The following THSD7B variants were observed in gnomAD, a reference collection of about 807,000 sequenced individuals.
The protein encoded by THSD7B is thrombospondin type 1 domain containing 7B, also known as thrombospondin type-1 domain-containing protein 7B.
THSD7B carries 138 observed loss-of-function variants against 213.6 expected under a neutral mutation model. That is an observed-to-expected ratio of 0.65 (90% CI 0.56 to 0.74). The LOEUF (loss-of-function observed/expected upper bound fraction) is 0.74, where lower values mean the gene tolerates loss of function less well. Among genes scored for constraint, THSD7B ranks in the 30% least tolerant of loss-of-function variants. The pLI is 0.00. For missense variants in THSD7B, 1,931 were observed against 1,991.5 expected (o/e 0.97, Z 0.58); for synonymous variants, 742 against 687.0 (o/e 1.08, Z -1.25).
At chr2:136,899,803 A>C (rs1442966208) in intron 2 of THSD7B, among the ~76,000 whole-genome samples, 5 of 152,218 alleles carry the variant, frequency 3.3e-5, no homozygotes, top group African/African-American at 1.2e-4. Flanking sequence ...AAAATCAATA[A>C]TTGCATAATT....
At chr2:137,593,267 T>G (rs1252507278) in intron 17 of THSD7B, among the ~76,000 whole-genome samples, 1 of 151,976 alleles carries the variant, frequency 6.6e-6, no homozygotes, top group East Asian at 1.9e-4. Flanking sequence ...CTGCACCCAT[T>G]TCTCTTAAGC....
intron 7 of THSD7B, among the ~76,000 whole-genome samples, chr2:137,195,251 T>TATATAC (rs34357255): frequency 0.049 from 7,359 of 149,904 alleles, 187 homozygotes; most frequent in Admixed American, 0.063. Flanking sequence ...TATATATATA[T>TATATAC]ACACACACAC....
chr2:137,311,900 T>C (rs7369091), intron 12 of THSD7B, among the ~76,000 whole-genome samples: 90,706 of 128,758 alleles, frequency 0.7, 32,191 homozygotes, highest in East Asian at 0.79. Context: ...CTGCTGGATT[T>C]GGTTTGCCAG....
chr2:136,833,288 C>T (rs1476771237), intron 1 of THSD7B, among the ~76,000 whole-genome samples: 5 of 56,752 alleles, frequency 8.8e-5, no homozygotes, highest in Admixed American at 4.8e-4. Flanking sequence ...TGGTGTTAAC[C>T]TGGGAGGTGG....
intron 1 of THSD7B, among the ~76,000 whole-genome samples, chr2:136,784,072 T>C (rs1681794328): frequency 6.6e-6 from 1 of 152,232 alleles, no homozygotes; most frequent in Non-Finnish European, 1.5e-5. Context: ...TGTTTCCCAA[T>C]GAGTCACCAT....
At chr2:136,940,862 TG>T (rs1156513720) in intron 2 of THSD7B, among the ~76,000 whole-genome samples, 15 of 147,394 alleles carry the variant, frequency 1.0e-4, no homozygotes, top group South Asian at 4.3e-4. Context: ...CATTCTTAGT[TG>T]TTTTTTTTTT....
chr2:137,328,531 A>G (rs1185362124), intron 12 of THSD7B, among the ~76,000 whole-genome samples: 1 of 152,238 alleles, frequency 6.6e-6, no homozygotes, highest in Non-Finnish European at 1.5e-5. Context: ...AGAATGTATA[A>G]TAGTAGCAGT....
At chr2:137,593,288 G>A (rs1220968874) in intron 17 of THSD7B, among the ~76,000 whole-genome samples, 1 of 151,954 alleles carries the variant, frequency 6.6e-6, no homozygotes, top group South Asian at 2.1e-4. Flanking sequence ...ACATATTTAG[G>A]AGTAGAATAG....
chr2:137,132,335 A>G (rs1429090428), intron 5 of THSD7B, among the ~76,000 whole-genome samples: 5 of 149,654 alleles, frequency 3.3e-5, no homozygotes, highest in African/African-American at 1.2e-4. Flanking sequence ...AACAGGGACA[A>G]TTTGACTTCC....
chr2:136,912,030 G>A (rs963163909), intron 2 of THSD7B, among the ~76,000 whole-genome samples: 2 of 151,968 alleles, frequency 1.3e-5, no homozygotes, highest in Admixed American at 1.3e-4. Context: ...GAGGAAGAAA[G>A]GAGGGGCCAG....
At chr2:137,084,741 A>G (rs1457219197) in intron 3 of THSD7B, among the ~76,000 whole-genome samples, 1 of 152,210 alleles carries the variant, frequency 6.6e-6, no homozygotes, top group Admixed American at 6.5e-5. Flanking sequence ...CACTTAGAAC[A>G]TTGTCCTCTG....
rs34604281 is a variant in THSD7B, at chr2:137,605,648, C to CTTTTTTTTTTTTTT, written c.3424-10501_3424-10488dup. 2.3e-4 allele frequency among the ~76,000 whole-genome samples: 16 copies of CTTTTTTTTTTTTTT among 69,018 alleles called. 3 individuals are homozygous for CTTTTTTTTTTTTTT. Among genetic ancestry groups the CTTTTTTTTTTTTTT allele is most frequent in the African/African-American group, 5.7e-4 (10 of 17,594 alleles). The allele number at this position is 69,018 out of a possible 152,430, so 45.3% of individuals were successfully genotyped here. On this transcript the variant is annotated intron_variant, in intron 17 of 27. Transcript: ENST00000409968. ...AAAAAGCATATATTGGCACTTCGCACTTTTTTTTTTTTTTTTTTTTTTTTT... is the reference window on the plus strand; with the variant it reads ...AAAAAGCATATATTGGCACTTCGCACTTTTTTTTTTTTTTTTTTTTTTTTTTTTTTTTTTTTTTT...
At chr2:137,656,998 C>T in intron 23 of THSD7B, 29 bp downstream of exon 23, 1 of 1,613,166 alleles carries the variant, frequency 6.2e-7, no homozygotes, top group Non-Finnish European at 8.5e-7. Context: ...AGTTCTTTAG[C>T]CTTCATTGAT....
chr2:137,565,565 A>C (rs1426469042), intron 16 of THSD7B, among the ~76,000 whole-genome samples: 1 of 152,178 alleles, frequency 6.6e-6, no homozygotes, highest in Non-Finnish European at 1.5e-5. Context: ...TAAAGGCCTC[A>C]CGTCTTGGTA....
intron 2 of THSD7B, among the ~76,000 whole-genome samples, chr2:136,994,391 C>A (rs773442091): frequency 1.3e-5 from 2 of 151,932 alleles, no homozygotes; most frequent in African/African-American, 4.8e-5. Context: ...ACGGTGAAAC[C>A]CCGTCTCTAC....
At chr2:137,313,603 G>C (rs868287362) in intron 12 of THSD7B, among the ~76,000 whole-genome samples, 7,117 of 149,456 alleles carry the variant, frequency 0.048, 238 homozygotes, top group East Asian at 0.088. Context: ...TCCTAGTCTC[G>C]ATGGTCTTTA....
At chr2:136,773,797 T>A (rs1220449661) in intron 1 of THSD7B, among the ~76,000 whole-genome samples, 1 of 151,886 alleles carries the variant, frequency 6.6e-6, no homozygotes, top group South Asian at 2.1e-4. Flanking sequence ...TAGTAGAGGG[T>A]TTCCTTTTAA....
chr2:137,378,226 T>C (rs1303183195), intron 12 of THSD7B, among the ~76,000 whole-genome samples: 1 of 152,186 alleles, frequency 6.6e-6, no homozygotes, highest in Non-Finnish European at 1.5e-5. Context: ...GACAATGTCT[T>C]AAAGAATATG....
At chr2:137,508,544 T>C (rs886269626) in intron 15 of THSD7B, among the ~76,000 whole-genome samples, 13 of 23,742 alleles carry the variant, frequency 5.5e-4, no homozygotes, top group South Asian at 3.8e-3. Flanking sequence ...GCCCGGCTAA[T>C]TTTTTTTTTT....
Sources: allele counts gnomAD v4.1 joint callset (sites outside exome capture counted in the v4.1 genomes callset), GRCh38; gene constraint gnomAD v4.1.1; transcripts MANE v1.5; gene names NCBI Gene and HGNC (gene_info 2026-07-23, HGNC 2026-07-21).